MTCL1: variants seen among roughly 807,000 people sequenced by gnomAD.
MTCL1 encodes the protein microtubule crosslinking factor 1.
Under a neutral mutation model 141.4 loss-of-function variants are expected in MTCL1, and 79 were observed. The ratio of observed to expected loss-of-function variants is 0.56; its 90% confidence interval spans 0.47 to 0.67. MTCL1 has a LOEUF of 0.67. Among genes scored for constraint, MTCL1 ranks in the 30% least tolerant of loss-of-function variants. The pLI is 0.00. For synonymous variants in MTCL1, 914 were observed against 875.8 expected (o/e 1.04, Z -0.77); for missense variants, 2,177 against 2,113.9 (o/e 1.03, Z -0.59).
Position 8,825,904 on chromosome 18 carries a change from G to A in MTCL1, c.4394G>A (p.Arg1465Gln), listed in dbSNP as rs369594159. The A allele has an allele frequency of 1.7e-4, 275 of 1,612,198 alleles. No individual in the cohort carries two copies. The highest frequency in any genetic ancestry group is 1.6e-3 in the South Asian group (145 of 90,670). ...CAGGACCCCTTCCAGAAGGGGCTGCGGGCCGGCAGTCGGTCTCGCTCAGCA... is the reference window on the plus strand; with the variant it reads ...CAGGACCCCTTCCAGAAGGGGCTGCAGGCCGGCAGTCGGTCTCGCTCAGCA... Residue 1465 changes from arginine (R) to glutamine (Q), a missense_variant, in exon 15 of 17, where the codon CGG becomes CAG. Physicochemically the swap from Arg to Gln is conservative, Grantham distance 43. Coordinates refer to ENST00000359865, the Ensembl canonical transcript of MTCL1.
intron 4 of MTCL1, among the ~76,000 whole-genome samples, chr18:8,729,028 GC>G (rs146349926): frequency 1.3e-3 from 197 of 149,406 alleles, no homozygotes; most frequent in African/African-American, 4.8e-3. Context: ...GAGCCACCAC[GC>G]CCAGCTGGAT....
At chr18:8,820,206 G>A (rs1021271898) in intron 13 of MTCL1, among the ~76,000 whole-genome samples, 2 of 152,072 alleles carry the variant, frequency 1.3e-5, no homozygotes, top group East Asian at 1.9e-4. Flanking sequence ...TCAGGAGATC[G>A]AGACCATCCT....
exon 15 of MTCL1, chr18:8,824,784 A>G: frequency 6.2e-7 from 1 of 1,614,138 alleles, no homozygotes; most frequent in Non-Finnish European, 8.5e-7. Context: ...GCCGTCCACC[A>G]GCAGCAAGGA....
intron 12 of MTCL1, among the ~76,000 whole-genome samples, chr18:8,816,088 C>T (rs776148916): frequency 6.6e-6 from 1 of 152,214 alleles, no homozygotes; most frequent in Non-Finnish European, 1.5e-5. Flanking sequence ...TAGGCATTCA[C>T]CAGACTTCCT....
chr18:8,715,039 G>A (rs1055550173), upstream of MTCL1, among the ~76,000 whole-genome samples: 38 of 152,148 alleles, frequency 2.5e-4, no homozygotes, highest in East Asian at 9.7e-4. Flanking sequence ...CTTGTGATCC[G>A]CCCGCCTCGG....
At chr18:8,790,750 C>CA (rs1287011074) in intron 7 of MTCL1, among the ~76,000 whole-genome samples, 1 of 152,204 alleles carries the variant, frequency 6.6e-6, no homozygotes, top group Non-Finnish European at 1.5e-5. Context: ...CACGGTGGCT[C>CA]ACGCCTGTAA....
chr18:8,756,357 A>G (rs1241991270), intron 4 of MTCL1, among the ~76,000 whole-genome samples: 2 of 132,664 alleles, frequency 1.5e-5, no homozygotes, highest in African/African-American at 8.3e-5. Context: ...ATATGTGTAT[A>G]TATGTATATA....
At chr18:8,706,572 G>A in exon 1 of MTCL1, 1 of 1,455,422 alleles carries the variant, frequency 6.9e-7, no homozygotes, top group Non-Finnish European at 9.1e-7. Context: ...ATGTCCGGGG[G>A]CGCTCGCCAC....
At chr18:8,756,624 G>A (rs1402713653) in intron 4 of MTCL1, among the ~76,000 whole-genome samples, 3 of 152,030 alleles carry the variant, frequency 2.0e-5, no homozygotes, top group Non-Finnish European at 4.4e-5. Context: ...GAAGGAGAGA[G>A]GCAAACTTGT....
chr18:8,825,922 G>C, exon 15 of MTCL1: 2 of 1,608,634 alleles, frequency 1.2e-6, no homozygotes, highest in Non-Finnish European at 1.7e-6. Context: ...AGTCGGTCTC[G>C]CTCAGCAGAG....
chr18:8,725,790 C>CTTTTTTTTTTTTTTTTTTTTTT (rs796484848), intron 4 of MTCL1, among the ~76,000 whole-genome samples: 85 of 61,080 alleles, frequency 1.4e-3, no homozygotes, highest in Non-Finnish European at 1.5e-3. Context: ...TTTTTTTTTT[C>CTTTTTTTTTTTTTTTTTTTTTT]TTTTTTTTTT....
chr18:8,760,617 CTT>C (rs1299104472), intron 4 of MTCL1, among the ~76,000 whole-genome samples: 1 of 152,174 alleles, frequency 6.6e-6, no homozygotes, highest in Non-Finnish European at 1.5e-5. Context: ...TTCTTCATTC[CTT>C]TTTTCTTTAC....
intron 7 of MTCL1, 25 bp downstream of exon 6, chr18:8,786,116 C>CCCCA: frequency 5.7e-6 from 8 of 1,393,684 alleles, no homozygotes; most frequent in African/African-American, 4.7e-5. Flanking sequence ...GCAATCCCCC[C>CCCCA]CCCCCGCCCT....
intron 1 of MTCL1, 144 bp downstream of exon 1, chr18:8,706,857 A>G: frequency 1.5e-6 from 2 of 1,372,804 alleles, no homozygotes; most frequent in Non-Finnish European, 1.9e-6. Context: ...ATTGTCAGGC[A>G]TTGGCAACTT....
intron 4 of MTCL1, among the ~76,000 whole-genome samples, chr18:8,720,774 G>A (rs747151883): frequency 1.3e-4 from 20 of 152,152 alleles, no homozygotes; most frequent in Non-Finnish European, 1.5e-4. Context: ...TTTCTATCTG[G>A]CCCTTTGCAG....
intron 1 of MTCL1, among the ~76,000 whole-genome samples, chr18:8,710,888 C>CTTTTTTTTTTTTTTTTTTTTATTT (rs71356255): frequency 1.2e-5 from 1 of 80,934 alleles, no homozygotes; most frequent in Non-Finnish European, 2.2e-5. Context: ...TTTTTTTTTA[C>CTTTTTTTTTTTTTTTTTTTTATTT]TTTTTTTTTT....
intron 8 of MTCL1, among the ~76,000 whole-genome samples, 177 bp from the exon 8 acceptor site, chr18:8,796,055 T>C (rs2075906393): frequency 1.3e-5 from 2 of 152,104 alleles, no homozygotes; most frequent in Non-Finnish European, 1.5e-5. Flanking sequence ...ACTCATGAGG[T>C]TTTGTAAACA....
intron 4 of MTCL1, among the ~76,000 whole-genome samples, chr18:8,777,188 A>G (rs1198846155): frequency 6.6e-6 from 1 of 152,210 alleles, no homozygotes; most frequent in African/African-American, 2.4e-5. Flanking sequence ...GTGAGCTGAG[A>G]TCACACCACT....
intron 4 of MTCL1, among the ~76,000 whole-genome samples, chr18:8,775,434 A>G (rs2096503298): frequency 1.3e-5 from 2 of 150,300 alleles, no homozygotes; most frequent in African/African-American, 2.4e-5. Context: ...AAAGCTGCGC[A>G]TGGTGGTGCA....
Sources: gnomAD v4.1 joint callset for allele counts (sites outside exome capture counted in the v4.1 genomes callset) on GRCh38, gnomAD v4.1.1 for gene constraint, MANE v1.5 for transcripts, NCBI Gene and HGNC (gene_info 2026-07-23, HGNC 2026-07-21) for gene names.